SPTA1: variants seen among roughly 807,000 people sequenced by gnomAD.
SPTA1 encodes spectrin alpha chain, erythrocytic 1.
SPTA1 carries 177 observed loss-of-function variants against 324.7 expected under a neutral mutation model. That is an observed-to-expected ratio of 0.55 (90% CI 0.48 to 0.62). The LOEUF (loss-of-function observed/expected upper bound fraction) is 0.62. SPTA1 is among the 20% of genes least tolerant of loss of function. SPTA1 has a pLI of 0.00. For missense variants in SPTA1, 3,162 were observed against 2,883.6 expected, an observed-to-expected ratio of 1.10 and a Z score of -2.21; for synonymous variants, 1,195 against 1,041.3, an observed-to-expected ratio of 1.15 and a Z score of -2.84.
At chr1:158,684,995 A>G in intron 2 of SPTA1, 113 bp downstream of exon 2, 1 of 1,296,430 alleles carries the variant, frequency 7.7e-7, no homozygotes, top group Non-Finnish European at 1.1e-6. Flanking sequence ...TTGTTTCTAA[A>G]CGGAATCTAA....
In SPTA1 at chr1:158,620,290, A is replaced by C. The variant is rs374169093; in HGVS notation, c.6297T>G (p.Phe2099Leu). Residue 2099 changes from phenylalanine to leucine, a missense_variant, in exon 44 of 52, where the codon TTT becomes TTG. Coordinates refer to ENST00000643759, the MANE Select transcript of SPTA1 (RefSeq NM_003126.4). Reference sequence around the variant, plus strand: ...GCTGGTCTAGCTCCAGCAAACATTTAAAGTCTGCTTGAGCCCTAGCCAGGG... The same window carrying C: ...GCTGGTCTAGCTCCAGCAAACATTTCAAGTCTGCTTGAGCCCTAGCCAGGG... ...LASLARAQADFKCLLELDQQI... is the reference protein window; with the variant it reads ...LASLARAQADLKCLLELDQQI... The C allele has an allele frequency of 6.2e-7, 1 of 1,613,976 alleles. No individual in the cohort carries two copies. The highest frequency in any genetic ancestry group is 8.5e-7 in the Non-Finnish European group (1 of 1,180,042).
intron 41 of SPTA1, 64 bp from the exon 42 acceptor site, chr1:158,626,286 A>C: frequency 1.4e-6 from 2 of 1,464,422 alleles, no homozygotes; most frequent in Non-Finnish European, 1.9e-6. Flanking sequence ...TGGGAAGCAG[A>C]AAAGGAATAT....
intron 11 of SPTA1, 139 bp from the exon 12 acceptor site, chr1:158,671,592 A>T (rs1371586099): frequency 8.4e-6 from 6 of 713,492 alleles, no homozygotes; most frequent in Non-Finnish European, 1.2e-5. Context: ...GGTAGAAATT[A>T]ACTTTAAACA....
rs2101879224 is a variant in SPTA1, at chr1:158,657,676, T to A, written c.2606A>T (p.Asp869Val). The stretch of plus-strand genomic sequence containing the variant: ...CAAACTCTTGACCCTAGAGGCCACA[T>A]CTTCTGCAGCAAAGTGTCCTATGGA... ...MVEEGHFAAE[D>V]VASRVKSLNQ... The change falls in exon 19 of 52, where the codon GAT becomes GTT. Residue 869 changes from aspartate (D) to valine (V), a missense_variant. Physicochemically the swap from Asp to Val is radical, Grantham distance 152. Coordinates refer to ENST00000643759, the MANE Select transcript of SPTA1 (RefSeq NM_003126.4). 1 of 1,614,066 alleles carries A rather than the reference T, an allele frequency of 6.2e-7. No individual in the cohort carries two copies. Among genetic ancestry groups the A allele is most frequent in the African/African-American group, 1.3e-5 (1 of 74,990 alleles).
intron 42 of SPTA1, among the ~76,000 whole-genome samples, chr1:158,624,599 C>T (rs1650146457): frequency 1.3e-5 from 2 of 152,276 alleles, no homozygotes; most frequent in South Asian, 4.1e-4. Flanking sequence ...AAGTAACTAA[C>T]TTGTTTTTGA....
rs121918634 is a variant in SPTA1, at chr1:158,678,434, A to G, written c.779T>C (p.Leu260Pro). ...RGLALQRQKALSNAANLQRFK... is the reference protein window; with the variant it reads ...RGLALQRQKAPSNAANLQRFK... ...TCGTTGTAAGTTTGCAGCATTGGAC[A>G]GAGCTTTCTGTCTCTGGAGAGCCAA... The change falls in exon 6 of 52, where the codon CTG becomes CCG. Residue 260 changes from leucine (L) to proline (P), a missense_variant. Coordinates refer to ENST00000643759, the MANE Select transcript of SPTA1 (RefSeq NM_003126.4). 1.1e-5 allele frequency: 18 copies of G among 1,613,700 alleles called. No homozygotes were observed. The African/African-American group carries it at 2.1e-4, about 19-fold the overall frequency.
At position 158,677,781 on chromosome 1, in the gene SPTA1, G is replaced by T. The variant is rs763960188; in HGVS notation, c.866C>A (p.Ser289Tyr). ...WIKEKEPVLT[S>Y]EDYGKDLVAS... Reference sequence around the variant, plus strand: ...AACAAGGTCTTTGCCATAGTCCTCAGAGGTGAGTACAGGTTCCTTCTCCTT... The same window carrying T: ...AACAAGGTCTTTGCCATAGTCCTCATAGGTGAGTACAGGTTCCTTCTCCTT... The change falls in exon 7 of 52, where the codon TCT (serine) becomes TAT (tyrosine). Residue 289 changes from serine to tyrosine, a missense_variant. Coordinates refer to ENST00000643759, the MANE Select transcript of SPTA1 (RefSeq NM_003126.4). The T allele has an allele frequency of 1.2e-6, 2 of 1,613,744 alleles. No individual in the cohort carries two copies. Among genetic ancestry groups the T allele is most frequent in the Middle Eastern group, 1.7e-4 (1 of 6,058 alleles).
chr1:158,679,732 G>A (rs1654660349), intron 5 of SPTA1, among the ~76,000 whole-genome samples: 1 of 152,098 alleles, frequency 6.6e-6, no homozygotes, highest in Admixed American at 6.6e-5. Context: ...GATTCACAGA[G>A]TCATTAACAA....
intron 22 of SPTA1, 135 bp from the exon 23 acceptor site, chr1:158,652,788 A>G: frequency 9.8e-7 from 1 of 1,016,294 alleles, no homozygotes. Context: ...ATAGTAGAAG[A>G]GAGGAGGAAA....
chr1:158,643,434 A>T lies in SPTA1; in HGVS notation c.4339-9T>A, dbSNP rs1455569503. 2 of 1,612,718 alleles carry T rather than the reference A, an allele frequency of 1.2e-6. No individual in the cohort carries two copies. Among genetic ancestry groups the T allele is most frequent in the Middle Eastern group, 1.8e-4 (1 of 5,536 alleles). ...TCAGTGATCTTCCCTTCCTAAATAA[A>T]GGAAAAGGAAAGAGCCCAGATGCTT... is the stretch of plus-strand genomic sequence containing the variant. On this transcript the variant is annotated splice_polypyrimidine_tract_variant and intron_variant, in intron 30 of 51. Transcript: ENST00000643759.
rs752630691 is a variant in SPTA1 at position 158,683,339 on chromosome 1, T to C, written c.390+32A>G. The C allele has an allele frequency of 1.9e-5, 30 of 1,612,544 alleles. 1 individual carries two copies. The South Asian group carries it at 3.2e-4, about 17-fold the overall frequency. On this transcript the variant is annotated intron_variant, in intron 3 of 51. Transcript: ENST00000643759. ...AAAACCCTGATAACATAATCAATAA[T>C]TGGAAACTTCTTCAAGGGCCCATAC...
chr1:158,633,314 G>T (rs1650810912), intron 39 of SPTA1, among the ~76,000 whole-genome samples: 1 of 152,034 alleles, frequency 6.6e-6, no homozygotes, highest in Non-Finnish European at 1.5e-5. Flanking sequence ...GAGAAAACTT[G>T]GTAAAGGACA....
Position 158,615,385 on chromosome 1 carries a change from G to T in SPTA1, c.6619C>A (p.Gln2207Lys), listed in dbSNP as rs1387754470. The change falls in exon 48 of 52, where the codon CAG (glutamine) becomes AAG (lysine). Residue 2207 changes from glutamine to lysine, a missense_variant. Physicochemically the swap from Gln to Lys is moderately conservative, Grantham distance 53. Coordinates refer to ENST00000643759, the MANE Select transcript of SPTA1 (RefSeq NM_003126.4). The stretch of plus-strand genomic sequence containing the variant: ...TTGGTTAGTTGACGCTTCATCGCCT[G>T]GATCTCCTTCTGTTTTCTCTGGAAA... The part of the protein sequence containing the change: ...EANKRKQKEI[Q>K]AMKRQLTKIV... 1.2e-6 allele frequency: 2 copies of T among 1,614,020 alleles called. No individual in the cohort carries two copies. The highest frequency in any genetic ancestry group is 1.7e-6 in the Non-Finnish European group (2 of 1,180,000).
At chr1:158,664,791 A>G (rs1653479412) in intron 16 of SPTA1, among the ~76,000 whole-genome samples, 1 of 152,184 alleles carries the variant, frequency 6.6e-6, no homozygotes, top group Non-Finnish European at 1.5e-5. Flanking sequence ...TTCAAACATA[A>G]TCATTATCAT....
chr1:158,652,667 T>C lies in SPTA1; in HGVS notation c.3189-14A>G. The C allele has an allele frequency of 1.9e-6, 3 of 1,613,762 alleles. No individual in the cohort carries two copies. Reference sequence around the variant, plus strand: ...AGGGAGCGGTATCTGGATGGAGAATTGGGAAAAGTGGAATAAAAGAAGGAG... The same window carrying C: ...AGGGAGCGGTATCTGGATGGAGAATCGGGAAAAGTGGAATAAAAGAAGGAG... On this transcript the variant is annotated splice_polypyrimidine_tract_variant and intron_variant, in intron 22 of 51. Coordinates refer to ENST00000643759, the MANE Select transcript of SPTA1 (RefSeq NM_003126.4).
intron 46 of SPTA1, 117 bp downstream of exon 46, chr1:158,617,922 T>A: frequency 9.7e-7 from 1 of 1,026,770 alleles, no homozygotes. Context: ...TCCACATTTT[T>A]ATTTACATAC....
intron 22 of SPTA1, 80 bp from the exon 23 acceptor site, chr1:158,652,733 A>G: frequency 6.7e-7 from 1 of 1,484,936 alleles, no homozygotes; most frequent in Non-Finnish European, 9.3e-7. Context: ...AACATAGAGA[A>G]AGAAGGAACA....
At chr1:158,613,387 T>C (rs1649371805) in intron 50 of SPTA1, among the ~76,000 whole-genome samples, 1 of 152,130 alleles carries the variant, frequency 6.6e-6, no homozygotes, top group Non-Finnish European at 1.5e-5. Context: ...CCCCATGTGT[T>C]GGTCTCTGAA....
rs184773150 is a variant in SPTA1 at position 158,684,294 on chromosome 1, T to C, written c.265-798A>G. Among the ~76,000 whole-genome samples, 363 of 152,068 alleles carry C rather than the reference T, an allele frequency of 2.4e-3. 4 individuals are homozygous for C. In the Middle Eastern group the frequency reaches 0.041, roughly 17 times the overall value. On this transcript the variant is annotated intron_variant, in intron 2 of 51. Coordinates refer to ENST00000643759, the MANE Select transcript of SPTA1 (RefSeq NM_003126.4). ...TGAATAGCAATTGAGTTAACCAGGT[T>C]AACTAAATTGGATTTTAGTTAACCT...
Sources: gnomAD v4.1 joint callset for allele counts (sites outside exome capture counted in the v4.1 genomes callset) on GRCh38, gnomAD v4.1.1 for gene constraint, MANE v1.5 for transcripts, NCBI Gene and HGNC (gene_info 2026-07-23, HGNC 2026-07-21) for gene names.